The following CCDC33 variants were observed in gnomAD, a reference collection of about 807,000 sequenced individuals.
CCDC33 encodes the protein coiled-coil domain-containing protein 33.
Under a neutral mutation model 91.9 loss-of-function variants are expected in CCDC33, and 94 were observed. The observed-to-expected ratio is 1.02, with a 90% CI of 0.87 to 1.21. The LOEUF (loss-of-function observed/expected upper bound fraction) is 1.21. Among genes scored for constraint, CCDC33 ranks in the 50% most tolerant of loss-of-function variants. The probability of loss-of-function intolerance (pLI) is 0.00; values close to 1 mark genes in which losing one functional copy is unlikely to be tolerated. For missense variants in CCDC33, 940 were observed against 935.5 expected (o/e 1.00, Z -0.06); for synonymous variants, 396 against 374.5 (o/e 1.06, Z -0.66).
chr15:74,231,937 C>A (rs563528417), upstream of CCDC33, among the ~76,000 whole-genome samples: 1 of 152,140 alleles, frequency 6.6e-6, no homozygotes, highest in Non-Finnish European at 1.5e-5. Context: ...TCACTTGAAC[C>A]CAGGAGGCGG....
At chr15:74,247,703 T>C (rs1015600780) in intron 2 of CCDC33, among the ~76,000 whole-genome samples, 2 of 152,170 alleles carry the variant, frequency 1.3e-5, no homozygotes, top group African/African-American at 4.8e-5. Context: ...TGAGGAAATG[T>C]TGGCCAAAGG....
intron 11 of CCDC33, chr15:74,304,043 C>T (rs1233737681): frequency 6.6e-6 from 1 of 152,160 alleles, no homozygotes; most frequent in African/African-American, 2.4e-5. Flanking sequence ...CTGTTACTTC[C>T]CTCTGCAGAC....
At chr15:74,315,321 A>G (rs1424314462) in intron 11 of CCDC33, among the ~76,000 whole-genome samples, 1 of 152,194 alleles carries the variant, frequency 6.6e-6, no homozygotes, top group Non-Finnish European at 1.5e-5. Flanking sequence ...AGCCCTGATG[A>G]GTGATGAAGC....
intron 1 of CCDC33, among the ~76,000 whole-genome samples, chr15:74,206,583 C>T (rs1478687850): frequency 6.6e-6 from 1 of 152,196 alleles, no homozygotes; most frequent in African/African-American, 2.4e-5. Context: ...AAGGCCCAGC[C>T]CTGCCCTCAG....
chr15:74,330,820 TG>T, intron 13 of CCDC33, 69 bp downstream of exon 13: 1 of 1,533,584 alleles, frequency 6.5e-7, no homozygotes, highest in Non-Finnish European at 9.0e-7. Flanking sequence ...GAGAAGAGTC[TG>T]GGAGGAGAAG....
At chr15:74,249,619 A>G (rs1387519652) in intron 2 of CCDC33, among the ~76,000 whole-genome samples, 1 of 152,168 alleles carries the variant, frequency 6.6e-6, no homozygotes, top group African/African-American at 2.4e-5. Context: ...AAAGCTAACA[A>G]TCAATAGGTG....
chr15:74,333,273 A>G, intron 16 of CCDC33: 7 of 1,602,818 alleles, frequency 4.4e-6, no homozygotes, highest in Non-Finnish European at 6.0e-6. Flanking sequence ...AGGCTACAAG[A>G]GACGCATGGC....
At chr15:74,209,689 C>T in intron 2 of CCDC33, 1 of 513,348 alleles carries the variant, frequency 1.9e-6, no homozygotes, top group Non-Finnish European at 3.4e-6. Flanking sequence ...CGGCTGCATC[C>T]CCCCTCACCT....
chr15:74,281,006 G>A (rs1007238876), intron 9 of CCDC33, among the ~76,000 whole-genome samples: 2 of 152,192 alleles, frequency 1.3e-5, no homozygotes, highest in Non-Finnish European at 1.5e-5. Flanking sequence ...GGACTATGAC[G>A]AACCAAGCCA....
chr15:74,257,953 G>A (rs1018780096), intron 2 of CCDC33, among the ~76,000 whole-genome samples: 1 of 152,228 alleles, frequency 6.6e-6, no homozygotes, highest in African/African-American at 2.4e-5. Flanking sequence ...GATGGGGGAG[G>A]CAGGCCTCCC....
chr15:74,262,321 C>A, intron 2 of CCDC33, 119 bp from the exon 3 acceptor site: 1 of 1,344,264 alleles, frequency 7.4e-7, no homozygotes, highest in Non-Finnish European at 1.0e-6. Flanking sequence ...ATGCATGGGA[C>A]AGAGCTCTCC....
chr15:74,252,377 GCAGC>G (rs2142318517), intron 2 of CCDC33, among the ~76,000 whole-genome samples: 1 of 152,324 alleles, frequency 6.6e-6, no homozygotes, highest in East Asian at 1.9e-4. Flanking sequence ...GCTTGTCTCA[GCAGC>G]CAGAGGGTTG....
At chr15:74,330,873 G>A (rs2142878307) in intron 13 of CCDC33, 108 bp from the exon 14 acceptor site, 1 of 1,509,702 alleles carries the variant, frequency 6.6e-7, no homozygotes, top group South Asian at 1.2e-5. Flanking sequence ...GAAGAAAGGG[G>A]GACCAGCCTG....
At chr15:74,225,117 CGTGTGTGTGTGTGTGTGTGT>C (rs3057568) in intron 2 of CCDC33, among the ~76,000 whole-genome samples, 1 of 139,832 alleles carries the variant, frequency 7.2e-6, no homozygotes, top group Non-Finnish European at 1.5e-5. Context: ...CTCCTGGAGG[CGTGTGTGTGTGTGTGTGTGT>C]GTGTGTGTGT....
intron 16 of CCDC33, chr15:74,333,250 A>C (rs1354984187): frequency 1.9e-6 from 3 of 1,601,896 alleles, no homozygotes; most frequent in Non-Finnish European, 2.6e-6. Context: ...GAGCAGGAGG[A>C]GACTTGACAG....
rs351200 is a variant in CCDC33, at chr15:74,288,213, C to G, written c.1095+6364C>G. ...TTCTGTCTCTCTTCAATTTCCTCCC[C>G]CTGGCCCTGCCTTTTCCTCCCAGAG... On this transcript the variant is annotated intron_variant, in intron 10 of 18. Transcript: ENST00000398814. Among the ~76,000 whole-genome samples, 650 of 152,330 alleles carry G rather than the reference C, an allele frequency of 4.3e-3. 7 individuals are homozygous for G. The highest frequency in any genetic ancestry group is 0.013 in the African/African-American group (535 of 41,576).
Position 74,244,269 on chromosome 15 carries a change from G to C in CCDC33, c.185+121G>C. 1 of 1,298,544 alleles carries C rather than the reference G, an allele frequency of 7.7e-7. No homozygotes were observed. The highest frequency in any genetic ancestry group is 1.0e-6 in the Non-Finnish European group (1 of 962,270). The allele number at this position is 1,298,544 out of a possible 1,614,324, so 80.4% of individuals were successfully genotyped here. On this transcript the variant is annotated intron_variant, in intron 2 of 18. Transcript: ENST00000398814. This position sits in a 1 kb window ranked among gnomAD's most constrained non-coding sequence, Gnocchi z 4.2. ...GGACTGGGACTGTCATACCCAGAGG[G>C]GAGGAGCTGCTGTGGGCACTACCTG...
At chr15:74,234,243 T>C (rs1361610403), upstream of CCDC33, among the ~76,000 whole-genome samples, 1 of 152,190 alleles carries the variant, frequency 6.6e-6, no homozygotes, top group Non-Finnish European at 1.5e-5. Context: ...TAGCTCCAAG[T>C]GCTGTCTCCT....
intron 11 of CCDC33, chr15:74,300,345 T>C (rs975979846): frequency 2.0e-5 from 3 of 152,200 alleles, no homozygotes; most frequent in African/African-American, 7.2e-5. Flanking sequence ...GTGGAAGACG[T>C]GGGCAGACAT....
Sources: gnomAD v4.1 joint callset for allele counts (sites outside exome capture counted in the v4.1 genomes callset) on GRCh38, gnomAD v4.1.1 for gene constraint, Gnocchi (gnomAD v3.1) non-coding constraint, MANE v1.5 for transcripts, NCBI Gene and HGNC (gene_info 2026-07-23, HGNC 2026-07-21) for gene names.